Variants in MADD observed in about 807,000 individuals in gnomAD.
MADD encodes the protein MAP kinase activating death domain.
MADD carries 109 observed loss-of-function variants against 176.7 expected under a neutral mutation model. The observed-to-expected ratio is 0.62, with a 90% CI of 0.53 to 0.72. MADD has a LOEUF of 0.72. Among genes scored for constraint, MADD ranks in the 30% least tolerant of loss-of-function variants. The pLI is 0.00. For missense variants in MADD, 1,914 were observed against 2,045.5 expected (o/e 0.94, Z 1.24); for synonymous variants, 771 against 771.3 (o/e 1.00, Z 0.01).
chr11:47,326,477 T>G, intron 30 of MADD, 67 bp from the exon 34 acceptor site: 2 of 1,271,510 alleles, frequency 1.6e-6, no homozygotes, highest in Non-Finnish European at 2.0e-6. Flanking sequence ...CAGCAGGGCC[T>G]TCGGGTTGGG....
intron 15 of MADD, among the ~76,000 whole-genome samples, chr11:47,286,880 G>A (rs1185026421): frequency 6.6e-6 from 1 of 152,194 alleles, no homozygotes; most frequent in Non-Finnish European, 1.5e-5. Context: ...CAAATTCCGT[G>A]CCAAGGAGCT....
chr11:47,291,466 A>G (rs1457820379), intron 19 of MADD, among the ~76,000 whole-genome samples: 2 of 152,180 alleles, frequency 1.3e-5, no homozygotes, highest in Non-Finnish European at 2.9e-5. Flanking sequence ...ACCTTGAGTC[A>G]TCGAGGTTGG....
chr11:47,304,357 A>G (rs1225133464), intron 22 of MADD, among the ~76,000 whole-genome samples: 1 of 151,854 alleles, frequency 6.6e-6, no homozygotes, highest in Non-Finnish European at 1.5e-5. Flanking sequence ...CAGCCTCCCA[A>G]GTAGCTGGGA....
chr11:47,326,792 G>A, exon 31 of MADD: 1 of 1,614,102 alleles, frequency 6.2e-7, no homozygotes, highest in Non-Finnish European at 8.5e-7. Context: ...AGGCGTCTTT[G>A]TCCTGGAGGA....
At chr11:47,322,634 C>T (rs1056499643) in intron 27 of MADD, among the ~76,000 whole-genome samples, 12 of 152,112 alleles carry the variant, frequency 7.9e-5, no homozygotes, top group Admixed American at 3.9e-4. Context: ...GATAACTTCA[C>T]CTGAAAGAGA....
At chr11:47,276,108 T>A in exon 4 of MADD, 1 of 1,614,240 alleles carries the variant, frequency 6.2e-7, no homozygotes. Flanking sequence ...CCATCTCGAT[T>A]CACCCTAGTG....
intron 27 of MADD, among the ~76,000 whole-genome samples, chr11:47,319,529 A>T (rs2093968970): frequency 6.6e-6 from 1 of 152,262 alleles, no homozygotes. Context: ...AAGTTAAAAA[A>T]TAATTAAAAG....
chr11:47,286,217 G>GA (rs2060528637), intron 14 of MADD, among the ~76,000 whole-genome samples: 1 of 152,212 alleles, frequency 6.6e-6, no homozygotes, highest in African/African-American at 2.4e-5. Context: ...GGTGGACAGA[G>GA]AAAGCTGTTA....
intron 19 of MADD, among the ~76,000 whole-genome samples, chr11:47,291,623 G>A (rs895495540): frequency 3.3e-5 from 5 of 152,178 alleles, no homozygotes; most frequent in African/African-American, 9.6e-5. Context: ...TCCCTAGCCA[G>A]CAGAATATTA....
At chr11:47,284,389 A>T in exon 12 of MADD, 1 of 1,614,164 alleles carries the variant, frequency 6.2e-7, no homozygotes, top group Non-Finnish European at 8.5e-7. Flanking sequence ...GGACCCTCTG[A>T]CACATGCAGC....
chr11:47,299,184 T>G (rs976139783), intron 22 of MADD, among the ~76,000 whole-genome samples: 2 of 152,144 alleles, frequency 1.3e-5, no homozygotes, highest in South Asian at 2.1e-4. Context: ...ATTTTAGGAT[T>G]TTTTTTCTAT....
intron 22 of MADD, among the ~76,000 whole-genome samples, chr11:47,300,262 A>G (rs982481583): frequency 5.7e-5 from 8 of 139,728 alleles, no homozygotes; most frequent in Non-Finnish European, 1.2e-4. Context: ...GCTGGAGTGC[A>G]GTTGTGCGAT....
In MADD at chr11:47,286,420, C is replaced by A; in HGVS notation, c.2552-13C>A. On this transcript the variant is annotated splice_polypyrimidine_tract_variant and intron_variant, in intron 14 of 32. Transcript: ENST00000402192. ...TCTGCCAAGTCATCGCTCTTGCACC[C>A]TCCCCTTGATAGGCAGCCTCTATCG... 3 of 1,593,428 alleles carry A rather than the reference C, an allele frequency of 1.9e-6. No homozygotes were observed. The highest frequency in any genetic ancestry group is 2.6e-6 in the Non-Finnish European group (3 of 1,161,140).
chr11:47,307,637 T>C (rs927916318), intron 22 of MADD, among the ~76,000 whole-genome samples: 1 of 152,052 alleles, frequency 6.6e-6, no homozygotes. Flanking sequence ...TCTGATCTAG[T>C]TGAAAATCTT....
At chr11:47,269,946 G>A (rs1254237992), upstream of MADD, 2 of 152,218 alleles carry the variant, frequency 1.3e-5, no homozygotes, top group Non-Finnish European at 1.5e-5. Context: ...CGACGGCGCT[G>A]GGTCGGCCTG....
At chr11:47,310,964 T>C (rs2088507005) in intron 25 of MADD, among the ~76,000 whole-genome samples, 1 of 151,564 alleles carries the variant, frequency 6.6e-6, no homozygotes, top group Admixed American at 6.6e-5. Context: ...CAGCCCTATA[T>C]CTTACAGAAT....
chr11:47,294,893 A>C (rs533612318), intron 20 of MADD, among the ~76,000 whole-genome samples: 1 of 152,298 alleles, frequency 6.6e-6, no homozygotes, highest in Admixed American at 6.5e-5. Flanking sequence ...AACTGAAAGG[A>C]AATATACTAA....
At chr11:47,281,650 C>T (rs373294108) in exon 8 of MADD, 2 of 1,613,588 alleles carry the variant, frequency 1.2e-6, no homozygotes, top group Non-Finnish European at 8.5e-7. Flanking sequence ...GGAGATCCCC[C>T]TTCTCTTGGG....
rs559976340 is a variant in MADD at position 47,300,745 on chromosome 11, G to A, written c.3642+4690G>A. On this transcript the variant is annotated intron_variant, in intron 22 of 32. Coordinates refer to ENST00000402192, the Ensembl canonical transcript of MADD. Reference sequence around the variant, plus strand: ...ACTCCAGGCCTCAAGTGATCTGCCCGCCTCAGCCTCCCAAAGTGCTGGGAT... The same window carrying A: ...ACTCCAGGCCTCAAGTGATCTGCCCACCTCAGCCTCCCAAAGTGCTGGGAT... Among the ~76,000 whole-genome samples, 9 of 151,990 alleles carry A rather than the reference G, an allele frequency of 5.9e-5. No individual in the cohort carries two copies. In the East Asian group the frequency reaches 9.7e-4, roughly 16 times the overall value.
Sources: allele counts gnomAD v4.1 joint callset (sites outside exome capture counted in the v4.1 genomes callset), GRCh38; gene constraint gnomAD v4.1.1; transcripts MANE v1.5; gene names NCBI Gene and HGNC (gene_info 2026-07-23, HGNC 2026-07-21).